Variants in ZDHHC14 observed in about 807,000 individuals in gnomAD.
ZDHHC14 encodes the protein palmitoyltransferase ZDHHC14.
In ZDHHC14, 16 loss-of-function variants were observed where a neutral mutation model predicts 47.7. The observed-to-expected ratio is 0.34, with a 90% CI of 0.23 to 0.51. The LOEUF (loss-of-function observed/expected upper bound fraction) is 0.51. Ranked by LOEUF, ZDHHC14 falls within the 20% of genes least tolerant of loss-of-function variation. The pLI, the probability that ZDHHC14 is intolerant of heterozygous loss-of-function variation, is 0.97. For synonymous variants in ZDHHC14, 293 were observed against 278.9 expected (o/e 1.05, Z -0.50); for missense variants, 515 against 662.5 (o/e 0.78, Z 2.44).
chr6:157,445,802 A>G (rs147891383), intron 1 of ZDHHC14, among the ~76,000 whole-genome samples: 2,297 of 152,332 alleles, frequency 0.015, 31 homozygotes, highest in Non-Finnish European at 0.023. Context: ...AGAGAGAGAG[A>G]GAGGTTAGGA....
Position 157,645,809 on chromosome 6 carries a change from G to A in ZDHHC14, c.825G>A (p.Leu275=), listed in dbSNP as rs200398472. 35 of 1,614,088 alleles carry A rather than the reference G, an allele frequency of 2.2e-5. No homozygotes were observed. The East Asian group carries it at 6.2e-4, about 29-fold the overall frequency. The change falls in exon 6 of 9, where the codon TTG becomes TTA. Residue 275 remains leucine, a synonymous_variant. Coordinates refer to ENST00000359775, the MANE Select transcript of ZDHHC14 (RefSeq NM_024630.3). ...IVGLSGFHTY[L]ISSNQTTNED... is the part of the protein sequence containing the mutation. ...GCCTCTCAGGATTCCACACCTACTT[G>A]ATCAGCTCCAACCAGACAACAAATG...
At chr6:157,637,416 G>T (rs137889148) in intron 5 of ZDHHC14, among the ~76,000 whole-genome samples, 2 of 152,308 alleles carry the variant, frequency 1.3e-5, no homozygotes, top group Non-Finnish European at 1.5e-5. Flanking sequence ...AGACCTCCCA[G>T]CCCCTTCCGC....
intron 2 of ZDHHC14, among the ~76,000 whole-genome samples, chr6:157,549,336 C>T (rs990992236): frequency 1.3e-4 from 20 of 152,220 alleles, no homozygotes; most frequent in African/African-American, 4.8e-4. Context: ...CGGGGAATTT[C>T]CAGACAATCT....
chr6:157,512,252 G>A (rs1289575342), intron 1 of ZDHHC14, among the ~76,000 whole-genome samples: 3 of 152,204 alleles, frequency 2.0e-5, no homozygotes, highest in Non-Finnish European at 4.4e-5. Context: ...ATCCTGGCTC[G>A]GGGTCCATGG....
At chr6:157,482,417 C>T (rs1302823692) in intron 1 of ZDHHC14, among the ~76,000 whole-genome samples, 5 of 151,490 alleles carry the variant, frequency 3.3e-5, no homozygotes, top group Non-Finnish European at 5.9e-5. Context: ...TCATCCTTGG[C>T]TAATTTTTTT....
In ZDHHC14 at chr6:157,463,013, G is replaced by A. The variant is rs1284215939; in HGVS notation, c.246-79572G>A. Among the ~76,000 whole-genome samples the A allele has an allele frequency of 2.0e-5, 3 of 152,234 alleles. No individual in the cohort carries two copies. The highest frequency in any genetic ancestry group is 1.5e-5 in the Non-Finnish European group (1 of 68,048). On this transcript the variant is annotated intron_variant, in intron 1 of 8. Coordinates refer to ENST00000359775, the MANE Select transcript of ZDHHC14 (RefSeq NM_024630.3). The surrounding 1 kb of genome is among the most constrained non-coding windows in gnomAD (Gnocchi z 4.4). ...TTCCTAAAAGTGCATAAAGATAATT[G>A]TAGCTAGGAGTCAGTCTCTTTTCCA...
chr6:157,412,675 C>G (rs1450055093), intron 1 of ZDHHC14, among the ~76,000 whole-genome samples: 1 of 152,204 alleles, frequency 6.6e-6, no homozygotes, highest in Non-Finnish European at 1.5e-5. Flanking sequence ...GGTGGTACAA[C>G]TCAAGTACTT....
Position 157,414,896 on chromosome 6 carries a change from C to T in ZDHHC14, c.245+32630C>T, listed in dbSNP as rs528954663. 2.1e-5 allele frequency among the ~76,000 whole-genome samples: 3 copies of T among 146,192 alleles called. No homozygotes were observed. In the East Asian group the frequency reaches 6.0e-4, roughly 29 times the overall value. On this transcript the variant is annotated intron_variant, in intron 1 of 8. Coordinates refer to ENST00000359775, the MANE Select transcript of ZDHHC14 (RefSeq NM_024630.3). The stretch of plus-strand genomic sequence containing the variant: ...TTGTGAATTCTGTTCTTTCTCCTTG[C>T]CTGTCCCAAGTACAGGCTTTCGAGA...
At chr6:157,420,550 G>T (rs1171166713) in intron 1 of ZDHHC14, among the ~76,000 whole-genome samples, 4 of 152,098 alleles carry the variant, frequency 2.6e-5, no homozygotes, top group Admixed American at 1.3e-4. Context: ...GAAGTGGTGG[G>T]CTGAATTGAG....
At chr6:157,543,016 C>T (rs1176152850) in intron 2 of ZDHHC14, among the ~76,000 whole-genome samples, 1 of 152,168 alleles carries the variant, frequency 6.6e-6, no homozygotes, top group Admixed American at 6.5e-5. Flanking sequence ...TTCTTTGAAA[C>T]CCAAGTGTTT....
At chr6:157,610,457 TAC>T (rs1173827038) in intron 3 of ZDHHC14, among the ~76,000 whole-genome samples, 3 of 152,044 alleles carry the variant, frequency 2.0e-5, no homozygotes, top group Non-Finnish European at 4.4e-5. Context: ...AAAAAGAATC[TAC>T]ACCTGAAGTA....
intron 1 of ZDHHC14, among the ~76,000 whole-genome samples, chr6:157,454,111 C>A (rs542320700): frequency 1.3e-5 from 2 of 152,332 alleles, no homozygotes; most frequent in South Asian, 4.1e-4. Flanking sequence ...GCCACAGACT[C>A]CTTTTCATTG....
At chr6:157,432,279 A>G (rs939773483) in intron 1 of ZDHHC14, among the ~76,000 whole-genome samples, 5 of 152,220 alleles carry the variant, frequency 3.3e-5, no homozygotes, top group Admixed American at 1.3e-4. Context: ...TATCTTGCTC[A>G]TCTTTCTATC....
chr6:157,395,030 G>A (rs541302325), intron 1 of ZDHHC14, among the ~76,000 whole-genome samples: 1 of 149,570 alleles, frequency 6.7e-6, no homozygotes, highest in Admixed American at 6.8e-5. Flanking sequence ...CCCAGCACTT[G>A]CTTGGCAGAA....
intron 5 of ZDHHC14, among the ~76,000 whole-genome samples, chr6:157,636,976 A>AT (rs1777018620): frequency 1.3e-5 from 2 of 152,226 alleles, no homozygotes; most frequent in Admixed American, 6.5e-5. Context: ...GCCTTGGAGA[A>AT]GAGTTCCTCC....
At chr6:157,465,934 C>A (rs1779203870) in intron 1 of ZDHHC14, among the ~76,000 whole-genome samples, 1 of 151,938 alleles carries the variant, frequency 6.6e-6, no homozygotes, top group Admixed American at 6.5e-5. Context: ...CCCAGCTACT[C>A]GGGAGGCGGA....
At chr6:157,472,491 T>C (rs1779380172) in intron 1 of ZDHHC14, among the ~76,000 whole-genome samples, 1 of 151,658 alleles carries the variant, frequency 6.6e-6, no homozygotes, top group Admixed American at 6.6e-5. Flanking sequence ...ATAAGTGGAG[T>C]GGAGTGGAGT....
rs755579348 is a variant in ZDHHC14, at chr6:157,526,254, T to A, written c.246-16331T>A. On this transcript the variant is annotated intron_variant, in intron 1 of 8. Coordinates refer to ENST00000359775, the MANE Select transcript of ZDHHC14 (RefSeq NM_024630.3). The stretch of plus-strand genomic sequence containing the variant: ...TCTCAAAACAACACTACAATAAGAC[T>A]ATCATGACCTATAATTGACATTATT... Among the ~76,000 whole-genome samples the A allele has an allele frequency of 2.3e-4, 35 of 152,240 alleles. 1 individual carries two copies. The highest frequency in any genetic ancestry group is 7.3e-5 in the Non-Finnish European group (5 of 68,038).
At chr6:157,614,579 T>C (rs1050936065) in intron 3 of ZDHHC14, among the ~76,000 whole-genome samples, 1 of 152,122 alleles carries the variant, frequency 6.6e-6, no homozygotes, top group Non-Finnish European at 1.5e-5. Flanking sequence ...AAAAACTCTC[T>C]ATAAATCCTC....
Sources: gnomAD v4.1 joint callset for allele counts (sites outside exome capture counted in the v4.1 genomes callset) on GRCh38, gnomAD v4.1.1 for gene constraint, Gnocchi (gnomAD v3.1) non-coding constraint, MANE v1.5 for transcripts, NCBI Gene and HGNC (gene_info 2026-07-23, HGNC 2026-07-21) for gene names.